Variants in ILDR1 observed in about 807,000 individuals in gnomAD.
ILDR1 encodes immunoglobulin-like domain-containing receptor 1.
In ILDR1, 56 loss-of-function variants were observed where a neutral mutation model predicts 62.4. That is an observed-to-expected ratio of 0.90 (90% CI 0.72 to 1.12). The LOEUF (loss-of-function observed/expected upper bound fraction) is 1.12. ILDR1 is among the 50% of genes most tolerant of loss of function. ILDR1 has a pLI of 0.00. For missense variants in ILDR1, 736 were observed against 710.6 expected, an observed-to-expected ratio of 1.04 and a Z score of -0.41; for synonymous variants, 284 against 277.8, an observed-to-expected ratio of 1.02 and a Z score of -0.22.
chr3:122,060,650 A>T, the ILDR1 span, among the ~76,000 whole-genome samples: 1 of 152,322 alleles, frequency 6.6e-6, no homozygotes, highest in African/African-American at 2.4e-5. Context: ...AAATTAAAAA[A>T]AAAGGCTAAC....
the ILDR1 span, among the ~76,000 whole-genome samples, chr3:122,042,759 GTTGT>G: frequency 1.3e-5 from 2 of 151,880 alleles, no homozygotes; most frequent in Non-Finnish European, 2.9e-5. Flanking sequence ...TTTTGATGGG[GTTGT>G]TTGTTTTTTT....
At chr3:121,995,935 C>T (rs967802421) in intron 5 of ILDR1, among the ~76,000 whole-genome samples, 1 of 152,214 alleles carries the variant, frequency 6.6e-6, no homozygotes, top group Admixed American at 6.5e-5. Flanking sequence ...CAAGCCTACA[C>T]TCTTTGTGTG....
At chr3:122,027,901 G>T in the ILDR1 span, among the ~76,000 whole-genome samples, 1 of 152,124 alleles carries the variant, frequency 6.6e-6, no homozygotes, top group East Asian at 1.9e-4. Context: ...ACCTTGACTC[G>T]CAATTAGCAT....
intron 1 of ILDR1, among the ~76,000 whole-genome samples, chr3:122,013,041 G>A (rs181993491): frequency 5.6e-4 from 86 of 152,252 alleles, no homozygotes; most frequent in African/African-American, 1.8e-3. Flanking sequence ...TCTGATTCCC[G>A]CCATCAGGTA....
At chr3:122,005,928 C>CAA (rs1181975577) in intron 2 of ILDR1, among the ~76,000 whole-genome samples, 19 of 139,890 alleles carry the variant, frequency 1.4e-4, no homozygotes, top group South Asian at 7.8e-4. Flanking sequence ...AAAACAAAAA[C>CAA]AAACAAACAA....
At chr3:122,060,893 C>CGAAAACAAGCCCA in the ILDR1 span, among the ~76,000 whole-genome samples, 10 of 151,962 alleles carry the variant, frequency 6.6e-5, no homozygotes, top group Non-Finnish European at 1.5e-4. Context: ...AGAGGAATTT[C>CGAAAACAAGCCCA]AGGGATCATT....
chr3:121,994,246 C>G lies in ILDR1; in HGVS notation c.714G>C (p.Leu238=). The G allele has an allele frequency of 6.5e-7, 1 of 1,536,128 alleles. No homozygotes were observed. The highest frequency in any genetic ancestry group is 8.7e-7 in the Non-Finnish European group (1 of 1,146,888). Residue 238 remains leucine, a synonymous_variant, in exon 6 of 8, where the codon CTG becomes CTC. Transcript: ENST00000344209. Reference sequence around the variant, plus strand: ...GGGAGCTCCTGTCCGCCCCCCAGTACAGGGGTTTTCCCATCATCTGAGGAC... The same window carrying G: ...GGGAGCTCCTGTCCGCCCCCCAGTAGAGGGGTTTTCCCATCATCTGAGGAC... ...ALGPQMMGKP[L]YWGADRSSQV...
the ILDR1 span, chr3:122,055,378 G>A: frequency 9.7e-7 from 1 of 1,025,836 alleles, no homozygotes; most frequent in Non-Finnish European, 1.5e-6. Flanking sequence ...TGCCGAGGAA[G>A]GCTTGCACAG....
chr3:121,992,912 A>T (rs2071370759), intron 7 of ILDR1, among the ~76,000 whole-genome samples: 1 of 152,218 alleles, frequency 6.6e-6, no homozygotes, highest in Admixed American at 6.5e-5. Flanking sequence ...ATGACAGCCG[A>T]AGCGACGGTG....
chr3:121,991,466 C>T (rs554827197), intron 7 of ILDR1, among the ~76,000 whole-genome samples: 4 of 152,270 alleles, frequency 2.6e-5, no homozygotes, highest in Admixed American at 6.5e-5. Flanking sequence ...ATTGTGTTTT[C>T]TTTCAGGACG....
At chr3:122,057,578 TC>T in the ILDR1 span, among the ~76,000 whole-genome samples, 1 of 152,204 alleles carries the variant, frequency 6.6e-6, no homozygotes, top group East Asian at 1.9e-4. Context: ...TTGAATCCCA[TC>T]TGTAGGCAGA....
intron 1 of ILDR1, among the ~76,000 whole-genome samples, chr3:122,012,385 C>G (rs1355752796): frequency 6.6e-6 from 1 of 152,168 alleles, no homozygotes; most frequent in Non-Finnish European, 1.5e-5. Flanking sequence ...TTCATTGACT[C>G]CTCATTTCCT....
intron 3 of ILDR1, among the ~76,000 whole-genome samples, chr3:122,003,144 A>C (rs1476092973): frequency 6.6e-6 from 1 of 152,196 alleles, no homozygotes; most frequent in Admixed American, 6.5e-5. Flanking sequence ...AGCGGCAGGC[A>C]GTTCCAGCTC....
the ILDR1 span, among the ~76,000 whole-genome samples, chr3:122,028,055 C>T: frequency 8.6e-5 from 13 of 151,822 alleles, no homozygotes; most frequent in South Asian, 4.2e-4. Context: ...TGGCCGGGCG[C>T]GGTGGCTCAC....
At chr3:122,035,105 A>C in the ILDR1 span, among the ~76,000 whole-genome samples, 1 of 152,216 alleles carries the variant, frequency 6.6e-6, no homozygotes, top group African/African-American at 2.4e-5. Context: ...GTGAGGGGAC[A>C]GCAACTACTG....
the ILDR1 span, among the ~76,000 whole-genome samples, chr3:122,044,644 G>A: frequency 6.6e-6 from 1 of 151,322 alleles, no homozygotes. Flanking sequence ...GTTTAGTCTT[G>A]GGAGAGTGTA....
At chr3:122,055,551 G>A in the ILDR1 span, 4 of 1,557,678 alleles carry the variant, frequency 2.6e-6, no homozygotes, top group Non-Finnish European at 2.7e-6. Flanking sequence ...AGTTGTGACT[G>A]CAGTGAAAGG....
At chr3:122,030,221 G>A in the ILDR1 span, among the ~76,000 whole-genome samples, 1 of 152,068 alleles carries the variant, frequency 6.6e-6, no homozygotes. Context: ...AGGACAAATG[G>A]GGGCTGCATT....
the ILDR1 span, among the ~76,000 whole-genome samples, chr3:122,052,368 C>T: frequency 1.3e-5 from 2 of 152,210 alleles, no homozygotes; most frequent in African/African-American, 4.8e-5. Context: ...TTTTCCATGT[C>T]CCCTAGGGAT....
Sources: allele counts gnomAD v4.1 joint callset (sites outside exome capture counted in the v4.1 genomes callset), GRCh38; gene constraint gnomAD v4.1.1; transcripts MANE v1.5; gene names NCBI Gene and HGNC (gene_info 2026-07-23, HGNC 2026-07-21).